STK31: variants seen among roughly 807,000 people sequenced by gnomAD.
The protein encoded by STK31 is serine/threonine-protein kinase 31.
STK31 carries 89 observed loss-of-function variants against 129.7 expected under a neutral mutation model. The observed-to-expected ratio is 0.69, with a 90% CI of 0.58 to 0.82. STK31 has a LOEUF of 0.82. Ranked by LOEUF, STK31 falls within the 40% of genes least tolerant of loss-of-function variation. STK31 has a pLI of 0.00. For synonymous variants in STK31, 448 were observed against 395.3 expected (o/e 1.13, Z -1.58); for missense variants, 1,187 against 1,176.4 (o/e 1.01, Z -0.13).
In STK31 at chr7:23,769,633, A is replaced by C; in HGVS notation, c.1597-7A>C. ...AGATATTTCATGTGTTTATTTTTGC[A>C]AATGAGGTTTTTGACCTATCTGTGG... On this transcript the variant is annotated splice_region_variant and splice_polypyrimidine_tract_variant and intron_variant, in intron 12 of 23. Coordinates refer to ENST00000355870, the MANE Select transcript of STK31 (RefSeq NM_031414.5). The C allele has an allele frequency of 6.3e-7, 1 of 1,582,584 alleles. No individual in the cohort carries two copies. The highest frequency in any genetic ancestry group is 2.2e-5 in the East Asian group (1 of 44,560).
chr7:23,819,779 C>CTGCAGGTGG (rs70939859), intron 23 of STK31, among the ~76,000 whole-genome samples: 3 of 151,556 alleles, frequency 2.0e-5, no homozygotes, highest in African/African-American at 7.3e-5. Context: ...ACTAAGGTGT[C>CTGCAGGTGG]AAATAATGGA....
chr7:23,719,020 A>T (rs1345699634), intron 4 of STK31, among the ~76,000 whole-genome samples: 2 of 152,010 alleles, frequency 1.3e-5, no homozygotes, highest in African/African-American at 4.8e-5. Flanking sequence ...TTGCTAGTGT[A>T]CTGAGGTTGT....
chr7:23,825,437 T>A (rs1277552452), intron 23 of STK31, among the ~76,000 whole-genome samples: 2 of 152,244 alleles, frequency 1.3e-5, no homozygotes, highest in Non-Finnish European at 2.9e-5. Context: ...GTGGGATCAC[T>A]GGTGATATCC....
At position 23,788,049 on chromosome 7, in the gene STK31, G is replaced by A. The variant is rs2128112344; in HGVS notation, c.2557G>A (p.Gly853Arg). The A allele has an allele frequency of 6.2e-7, 1 of 1,611,922 alleles. No individual in the cohort carries two copies. The highest frequency in any genetic ancestry group is 8.5e-7 in the Non-Finnish European group (1 of 1,178,916). Residue 853 changes from glycine to arginine, a missense_variant, in exon 21 of 24, where the codon GGA (glycine) becomes AGA (arginine). Coordinates refer to ENST00000355870, the MANE Select transcript of STK31 (RefSeq NM_031414.5). ...HTLHKADIIH[G>R]SLHQNNVFAL... ...ATTGCATAAGGCTGACATAATTCAT[G>A]GATCACTTCATCAGAACAATGTATT...
Position 23,815,203 on chromosome 7 carries a change from G to T in STK31, c.2820G>T (p.Gln940His), listed in dbSNP as rs766726032. The T allele has an allele frequency of 6.3e-6, 10 of 1,578,164 alleles. No individual in the cohort carries two copies. The South Asian group carries it at 1.2e-4, about 18-fold the overall frequency. The change falls in exon 23 of 24, where the codon CAG (glutamine) becomes CAT (histidine). Residue 940 changes from glutamine to histidine, a missense_variant. Physicochemically the swap from Gln to His is conservative, Grantham distance 24. Around this residue, in one of 5 missense-constraint regions of STK31, gnomAD observed 975 missense variants for 934.9 expected, o/e 1.04. Transcript: ENST00000355870. ...AAGATGGAATCCCCAAAGTGGATCA[G>T]TTTCATCTGGTATGTGACCTTTTTG... ...INKDGIPKVD[Q>H]FHLDDKVKSL...
At chr7:23,781,188 T>G (rs1584435585) in intron 15 of STK31, among the ~76,000 whole-genome samples, 1 of 152,316 alleles carries the variant, frequency 6.6e-6, no homozygotes, top group South Asian at 2.1e-4. Flanking sequence ...ATCTGTATAA[T>G]TGATTTTATG....
intron 6 of STK31, among the ~76,000 whole-genome samples, chr7:23,732,219 G>A (rs966562237): frequency 6.6e-6 from 1 of 151,998 alleles, no homozygotes; most frequent in African/African-American, 2.4e-5. Flanking sequence ...GCTGAGGTGG[G>A]AGGATTGCTT....
At chr7:23,760,856 G>A (rs1789419329) in intron 10 of STK31, among the ~76,000 whole-genome samples, 1 of 152,020 alleles carries the variant, frequency 6.6e-6, no homozygotes, top group East Asian at 1.9e-4. Context: ...TATAGTGACG[G>A]GGTTTTACCA....
In STK31 at chr7:23,729,003, G is replaced by A. The variant is rs62468598; in HGVS notation, c.325-88G>A. On this transcript the variant is annotated intron_variant, in intron 5 of 23. Transcript: ENST00000355870. ...GTAAGAATGCTATTTTGATATACAG[G>A]TCATTAACAGAGAGCAGCAAATTGG... The A allele has an allele frequency of 4.1e-3, 4,968 of 1,203,940 alleles. 22 individuals are homozygous for A. Among genetic ancestry groups the A allele is most frequent in the Non-Finnish European group, 4.8e-3 (4,259 of 889,294 alleles). The allele number at this position is 1,203,940 out of a possible 1,614,324, so 74.6% of individuals were successfully genotyped here.
intron 3 of STK31, among the ~76,000 whole-genome samples, chr7:23,715,510 G>A (rs538175258): frequency 2.0e-3 from 296 of 151,522 alleles, no homozygotes; most frequent in African/African-American, 6.7e-3. Flanking sequence ...TCCCAGCTAT[G>A]TGGGAGGCTG....
At chr7:23,737,675 C>T (rs1037057556) in intron 8 of STK31, among the ~76,000 whole-genome samples, 1 of 152,114 alleles carries the variant, frequency 6.6e-6, no homozygotes, top group African/African-American at 2.4e-5. Context: ...AATCAGGATC[C>T]CAGTTAGGCA....
intron 23 of STK31, among the ~76,000 whole-genome samples, chr7:23,831,495 C>T (rs1794544284): frequency 1.3e-5 from 2 of 151,808 alleles, no homozygotes; most frequent in Non-Finnish European, 2.9e-5. Flanking sequence ...ACAATTGGGT[C>T]ATTTAAAAAA....
At chr7:23,798,763 G>C (rs1449164739) in intron 22 of STK31, among the ~76,000 whole-genome samples, 2 of 152,002 alleles carry the variant, frequency 1.3e-5, no homozygotes. Flanking sequence ...AATCAGGCAA[G>C]AGAAAGAAAG....
At position 23,795,175 on chromosome 7, in the gene STK31, T is replaced by C. The variant is rs139038275; in HGVS notation, c.2760+4229T>C. ...GGCCTAGGAGGAAAAAATGGTTTCA[T>C]GGGCTGGGCCCACGGTCCCCCTGCT... On this transcript the variant is annotated intron_variant, in intron 22 of 23. Coordinates refer to ENST00000355870, the MANE Select transcript of STK31 (RefSeq NM_031414.5). Among the ~76,000 whole-genome samples, 1,397 of 152,332 alleles carry C rather than the reference T, an allele frequency of 9.2e-3. 22 individuals are homozygous for C. The highest frequency in any genetic ancestry group is 0.032 in the African/African-American group (1,348 of 41,588).
chr7:23,767,981 TC>T (rs1280888243), intron 11 of STK31, among the ~76,000 whole-genome samples: 1 of 152,204 alleles, frequency 6.6e-6, no homozygotes, highest in Non-Finnish European at 1.5e-5. Context: ...GCTGTGCCTA[TC>T]TTGTCTTTTC....
chr7:23,730,683 T>G (rs1299524715), intron 6 of STK31, among the ~76,000 whole-genome samples: 1 of 151,610 alleles, frequency 6.6e-6, no homozygotes, highest in Non-Finnish European at 1.5e-5. Context: ...AACTCAAGTC[T>G]GTTGTTCTTT....
intron 11 of STK31, among the ~76,000 whole-genome samples, chr7:23,763,510 CT>C (rs1289227321): frequency 6.6e-6 from 1 of 152,002 alleles, no homozygotes; most frequent in Non-Finnish European, 1.5e-5. Context: ...TTTTTTTGTC[CT>C]TTAATATTGT....
At chr7:23,730,878 A>ATATATTTTT in intron 6 of STK31, among the ~76,000 whole-genome samples, 11 of 59,546 alleles carry the variant, frequency 1.8e-4, no homozygotes, top group East Asian at 4.5e-4. Context: ...ATATATATAT[A>ATATATTTTT]TTTTTTTTTT....
At chr7:23,742,552 G>C (rs775122895) in intron 8 of STK31, among the ~76,000 whole-genome samples, 3 of 152,226 alleles carry the variant, frequency 2.0e-5, no homozygotes, top group Non-Finnish European at 4.4e-5. Context: ...TGAGGCCCTA[G>C]TGGATCGAGG....
Sources: gnomAD v4.1 joint callset for allele counts (sites outside exome capture counted in the v4.1 genomes callset) on GRCh38, gnomAD v4.1.1 for gene constraint, gnomAD v4.1.1 regional missense constraint, MANE v1.5 for transcripts, NCBI Gene and HGNC (gene_info 2026-07-23, HGNC 2026-07-21) for gene names.